The following GLB1L2 variants were observed in gnomAD, a reference collection of about 807,000 sequenced individuals.
The protein encoded by GLB1L2 is galactosidase beta 1 like 2.
Under a neutral mutation model 84.1 loss-of-function variants are expected in GLB1L2, and 68 were observed. That is an observed-to-expected ratio of 0.81 (90% confidence interval 0.67 to 0.99). The LOEUF is 0.99. Among genes scored for constraint, GLB1L2 ranks in the 50% least tolerant of loss-of-function variants. The pLI, the probability that GLB1L2 is intolerant of heterozygous loss-of-function variation, is 0.00. For missense variants in GLB1L2, 762 were observed against 805.6 expected, an observed-to-expected ratio of 0.95 and a Z score of 0.66; for synonymous variants, 290 against 318.0, an observed-to-expected ratio of 0.91 and a Z score of 0.94.
rs772933313 is a variant in GLB1L2, at chr11:134,374,991, C to A, written c.1844C>A (p.Thr615Lys). 4 of 1,613,734 alleles carry A rather than the reference C, an allele frequency of 2.5e-6. No homozygotes were observed. The East Asian group carries it at 8.9e-5, about 36-fold the overall frequency. Reference protein sequence around the residue: ...GINQVIVFEETMAGPALQFTE... With the variant: ...GINQVIVFEEKMAGPALQFTE... ...CCACAGGTCATCGTTTTTGAGGAGA[C>A]GATGGCGGGCCCTGCATTACAGTTC... Residue 615 changes from threonine (T) to lysine (K), a missense_variant, in exon 19 of 19, where the codon ACG becomes AAG. Thr to Lys is a moderately conservative substitution (Grantham distance 78). Around this residue, in one of 3 missense-constraint regions of GLB1L2, gnomAD observed 603 missense variants for 611.7 expected, o/e 0.99. Coordinates refer to ENST00000535456, the MANE Select transcript of GLB1L2 (RefSeq NM_001370461.1).
intron 3 of GLB1L2, among the ~76,000 whole-genome samples, 161 bp downstream of exon 3, chr11:134,344,616 T>C (rs541024718): frequency 0.059 from 6,908 of 116,788 alleles, 43 homozygotes; most frequent in African/African-American, 0.07. Flanking sequence ...CGCTCCCCAG[T>C]CGTGACCTGT....
chr11:134,373,014 C>G (rs1410786214), intron 15 of GLB1L2, among the ~76,000 whole-genome samples: 2 of 152,216 alleles, frequency 1.3e-5, no homozygotes, highest in Admixed American at 6.5e-5. Context: ...GTCCTGTCCT[C>G]TGGATCACAG....
intron 11 of GLB1L2, 76 bp downstream of exon 11, chr11:134,369,961 C>G: frequency 1.6e-6 from 2 of 1,239,170 alleles, no homozygotes; most frequent in Non-Finnish European, 2.4e-6. Context: ...GAGTTACTTC[C>G]TTACTGTCCC....
chr11:134,355,886 T>A, intron 5 of GLB1L2: 1 of 399,530 alleles, frequency 2.5e-6, no homozygotes, highest in South Asian at 1.9e-5. Flanking sequence ...TAGAACATTA[T>A]CAACAAGTTC....
intron 15 of GLB1L2, 39 bp downstream of exon 15, chr11:134,371,869 T>C (rs779534956): frequency 6.3e-6 from 10 of 1,585,492 alleles, no homozygotes; most frequent in Non-Finnish European, 8.7e-7. Flanking sequence ...GTGGCCATGC[T>C]GGACACACAG....
At chr11:134,342,298 G>A (rs1037459035) in intron 1 of GLB1L2, among the ~76,000 whole-genome samples, 6 of 152,168 alleles carry the variant, frequency 3.9e-5, no homozygotes, top group African/African-American at 1.4e-4. Flanking sequence ...GGTGGACGCC[G>A]CCAACGCAGA....
At chr11:134,336,988 T>C (rs780169110) in intron 1 of GLB1L2, among the ~76,000 whole-genome samples, 3 of 152,182 alleles carry the variant, frequency 2.0e-5, no homozygotes, top group Non-Finnish European at 4.4e-5. Context: ...TTTTTGTTGT[T>C]GTTATTGTTG....
intron 6 of GLB1L2, among the ~76,000 whole-genome samples, chr11:134,357,688 G>A (rs1447231218): frequency 1.3e-5 from 2 of 152,312 alleles, no homozygotes; most frequent in South Asian, 2.1e-4. Flanking sequence ...GGGCGGAGGC[G>A]CCCATGTGTG....
chr11:134,372,832 G>A (rs1182696592), intron 15 of GLB1L2, among the ~76,000 whole-genome samples: 5 of 152,200 alleles, frequency 3.3e-5, no homozygotes, highest in African/African-American at 7.2e-5. Flanking sequence ...GCCTCAGAGC[G>A]GCATCTAGCA....
In GLB1L2 at chr11:134,344,972, G is replaced by A. The variant is rs1323160033; in HGVS notation, c.354-62G>A. On this transcript the variant is annotated intron_variant, in intron 3 of 18. Coordinates refer to ENST00000535456, the MANE Select transcript of GLB1L2 (RefSeq NM_001370461.1). ...AGCTCCTCCACCCTGTGATGCGCGTGGCCCCCACCCGGCCTCATCCTGGGC... is the reference window on the plus strand; with the variant it reads ...AGCTCCTCCACCCTGTGATGCGCGTAGCCCCCACCCGGCCTCATCCTGGGC... 3 of 1,551,766 alleles carry A rather than the reference G, an allele frequency of 1.9e-6. No individual in the cohort carries two copies. In the African/African-American group the frequency reaches 4.0e-5, roughly 21 times the overall value.
At chr11:134,342,697 A>G (rs1943485067) in intron 1 of GLB1L2, 57 bp from the exon 2 acceptor site, 1 of 1,536,034 alleles carries the variant, frequency 6.5e-7, no homozygotes, top group Non-Finnish European at 8.9e-7. Context: ...GGGGCGAGGA[A>G]GCCGATCTCT....
intron 11 of GLB1L2, 28 bp downstream of exon 11, chr11:134,369,913 C>T: frequency 6.3e-7 from 1 of 1,588,072 alleles, no homozygotes; most frequent in Non-Finnish European, 8.6e-7. Flanking sequence ...GACTCAAGTT[C>T]CAACTCAGGC....
chr11:134,339,497 C>T lies in GLB1L2; in HGVS notation c.87-3257C>T, dbSNP rs928063362. The stretch of plus-strand genomic sequence containing the variant: ...AAGGTATTGACAACTTCTCTAGTAA[C>T]CTACCAGAAAATTCCCATGAAGAAA... On this transcript the variant is annotated intron_variant, in intron 1 of 18. Transcript: ENST00000535456. This position sits in a 1 kb window ranked among gnomAD's most constrained non-coding sequence, Gnocchi z 5.7. Among the ~76,000 whole-genome samples the T allele has an allele frequency of 5.3e-5, 8 of 152,004 alleles. No individual in the cohort carries two copies. The highest frequency in any genetic ancestry group is 3.9e-4 in the Admixed American group (6 of 15,262).
At chr11:134,364,273 G>C in intron 7 of GLB1L2, 55 bp from the exon 8 acceptor site, 4 of 1,427,888 alleles carry the variant, frequency 2.8e-6, no homozygotes, top group Non-Finnish European at 3.9e-6. Flanking sequence ...TCACCTAGAA[G>C]GTCCCTGGCT....
intron 8 of GLB1L2, 122 bp downstream of exon 8, chr11:134,364,520 T>A: frequency 1.3e-6 from 1 of 760,054 alleles, no homozygotes; most frequent in Non-Finnish European, 2.2e-6. Context: ...TGATGGCCTC[T>A]GGCCCCCCGC....
chr11:134,355,657 T>G (rs1018265243), intron 5 of GLB1L2, among the ~76,000 whole-genome samples: 34 of 152,342 alleles, frequency 2.2e-4, no homozygotes, highest in African/African-American at 8.2e-4. Flanking sequence ...TGGCCTTAGA[T>G]GCTTTTCATT....
intron 7 of GLB1L2, among the ~76,000 whole-genome samples, chr11:134,361,746 T>C (rs1943792897): frequency 6.6e-6 from 1 of 152,150 alleles, no homozygotes; most frequent in Non-Finnish European, 1.5e-5. Flanking sequence ...TGTTCTGGCC[T>C]GCATGGTGGG....
rs974787215 is a variant in GLB1L2, at chr11:134,334,139, G to A, written c.86+1992G>A. 1.3e-5 allele frequency among the ~76,000 whole-genome samples: 2 copies of A among 152,102 alleles called. No individual in the cohort carries two copies. The highest frequency in any genetic ancestry group is 4.8e-5 in the African/African-American group (2 of 41,416). On this transcript the variant is annotated intron_variant, in intron 1 of 18. Transcript: ENST00000535456. The surrounding 1 kb of genome is among the most constrained non-coding windows in gnomAD (Gnocchi z 4.1). ...CCCAGCTCTGACTGGGTCATTAACT[G>A]AGTGGGAGGTGGGGCCTCTCCCAGC...
intron 17 of GLB1L2, 37 bp downstream of exon 17, chr11:134,374,293 C>G: frequency 6.8e-7 from 1 of 1,473,092 alleles, no homozygotes; most frequent in Non-Finnish European, 9.5e-7. Flanking sequence ...TTTCTCCCAC[C>G]TGCCTCCCGC....
Sources: gnomAD v4.1 joint callset for allele counts (sites outside exome capture counted in the v4.1 genomes callset) on GRCh38, gnomAD v4.1.1 for gene constraint, gnomAD v4.1.1 regional missense constraint, Gnocchi (gnomAD v3.1) non-coding constraint, MANE v1.5 for transcripts, NCBI Gene and HGNC (gene_info 2026-07-23, HGNC 2026-07-21) for gene names.